The following ZW10 variants were observed in gnomAD, a reference collection of about 807,000 sequenced individuals.
The protein encoded by ZW10 is centromere/kinetochore protein zw10 homolog.
Under a neutral mutation model 87.8 loss-of-function variants are expected in ZW10, and 53 were observed. That is an observed-to-expected ratio of 0.60 (90% CI 0.48 to 0.76). The LOEUF (loss-of-function observed/expected upper bound fraction) is 0.76. ZW10 is among the 30% of genes least tolerant of loss of function. The probability of loss-of-function intolerance (pLI) is 0.00; values close to 1 mark genes in which losing one functional copy is unlikely to be tolerated. For synonymous variants in ZW10, 312 were observed against 329.2 expected, an observed-to-expected ratio of 0.95 and a Z score of 0.57; for missense variants, 837 against 923.0, an observed-to-expected ratio of 0.91 and a Z score of 1.21.
chr11:113,733,582 G>C lies in ZW10; in HGVS notation c.*112C>G. The C allele has an allele frequency of 6.9e-7, 1 of 1,450,800 alleles. No homozygotes were observed. Among genetic ancestry groups the C allele is most frequent in the Middle Eastern group, 2.5e-4 (1 of 4,064 alleles). The allele number at this position is 1,450,800 out of a possible 1,614,324, so 89.9% of individuals were successfully genotyped here. ...TTCTTCTGTAAAGTCAAACTTCCAA[G>C]ATGTACTGGTTCACCAAAACCAATG... is the stretch of plus-strand genomic sequence containing the variant. On this transcript the variant is annotated 3_prime_UTR_variant, in exon 16 of 16. Transcript: ENST00000200135.
In ZW10 at chr11:113,738,397, A is replaced by G. The variant is rs939318201; in HGVS notation, c.1754-3T>C. ...TTGGGCCAAAAAGCATTCTGTCCCT[A>G]TGATGGAAAAACAGAATAAAAAATT... On this transcript the variant is annotated splice_polypyrimidine_tract_variant and splice_region_variant and intron_variant, in intron 12 of 15. Transcript: ENST00000200135. 6 of 1,607,910 alleles carry G rather than the reference A, an allele frequency of 3.7e-6. No homozygotes were observed. In the Admixed American group the frequency reaches 5.2e-5, roughly 14 times the overall value.
intron 2 of ZW10, among the ~76,000 whole-genome samples, chr11:113,764,157 G>C (rs191573171): frequency 1.3e-5 from 2 of 152,270 alleles, no homozygotes; most frequent in East Asian, 1.9e-4. Context: ...GTTTGTCAAA[G>C]ATCAGATGGT....
chr11:113,757,968 C>T (rs12270902), intron 6 of ZW10, 115 bp from the exon 7 acceptor site: 1 of 762,848 alleles, frequency 1.3e-6, no homozygotes, highest in Non-Finnish European at 1.9e-6. Context: ...GGTGGATCAT[C>T]TGAGGCCAGC....
chr11:113,748,515 G>A, intron 7 of ZW10, 95 bp from the exon 8 acceptor site: 2 of 1,112,432 alleles, frequency 1.8e-6, no homozygotes, highest in Non-Finnish European at 2.5e-6. Flanking sequence ...TTAAGATGAT[G>A]GGGAAGAAAA....
chr11:113,742,548 C>T (rs1244957616), intron 10 of ZW10, among the ~76,000 whole-genome samples: 1 of 152,116 alleles, frequency 6.6e-6, no homozygotes, highest in Non-Finnish European at 1.5e-5. Context: ...TGCATTGTAG[C>T]TGTGGTTTTG....
At chr11:113,750,420 C>T (rs1247856724) in intron 7 of ZW10, among the ~76,000 whole-genome samples, 1 of 151,962 alleles carries the variant, frequency 6.6e-6, no homozygotes. Flanking sequence ...TCTCCTTCCT[C>T]GGCCTCCCAA....
rs372536871 is a variant in ZW10, at chr11:113,757,761, G to A, written c.826C>T (p.Arg276Cys). 4.3e-6 allele frequency: 7 copies of A among 1,613,586 alleles called. No homozygotes were observed. In the African/African-American group the frequency reaches 5.3e-5, roughly 12 times the overall value. ...AAGTTAGTCATTATAGATTCAAAAC[G>A]AATAATAACTATGTTAGGCTGGCTT... is the stretch of plus-strand genomic sequence containing the variant. ...IESQPNIVII[R>C]FESIMTNLEY... is the part of the protein sequence containing the mutation. Residue 276 changes from arginine to cysteine, a missense_variant, in exon 7 of 16, where the codon CGT (arginine) becomes TGT (cysteine). Coordinates refer to ENST00000200135, the MANE Select transcript of ZW10 (RefSeq NM_004724.4).
In ZW10 at chr11:113,733,639, T is replaced by C; in HGVS notation, c.*55A>G. 6.2e-7 allele frequency: 1 copy of C among 1,611,192 alleles called. No individual in the cohort carries two copies. The highest frequency in any genetic ancestry group is 8.5e-7 in the Non-Finnish European group (1 of 1,179,580). On this transcript the variant is annotated 3_prime_UTR_variant, in exon 16 of 16. Coordinates refer to ENST00000200135, the MANE Select transcript of ZW10 (RefSeq NM_004724.4). ...TCAAAGAAGTCTTTAAGGGAGTAAT[T>C]ATGCCAAGGGAAGAATCCACATATT...
chr11:113,741,893 T>C, intron 10 of ZW10, 128 bp from the exon 11 acceptor site: 1 of 567,046 alleles, frequency 1.8e-6, no homozygotes, highest in East Asian at 3.0e-5. Flanking sequence ...ACACCTGCCT[T>C]GGTTGCTGGA....
intron 7 of ZW10, among the ~76,000 whole-genome samples, chr11:113,753,640 A>T (rs1953755213): frequency 6.6e-6 from 1 of 152,188 alleles, no homozygotes; most frequent in African/African-American, 2.4e-5. Context: ...TCCTGACCTC[A>T]AGTGATCCAT....
At chr11:113,745,093 AT>A (rs1953665327) in intron 9 of ZW10, among the ~76,000 whole-genome samples, 4 of 136,460 alleles carry the variant, frequency 2.9e-5, no homozygotes, top group African/African-American at 1.0e-4. Flanking sequence ...TCCTCCCCTT[AT>A]TAAAAAAAAA....
intron 2 of ZW10, among the ~76,000 whole-genome samples, chr11:113,762,754 G>A (rs1461140624): frequency 6.6e-6 from 1 of 152,132 alleles, no homozygotes; most frequent in African/African-American, 2.4e-5. Context: ...CTGACCTCAA[G>A]TGATCTGCCT....
intron 2 of ZW10, among the ~76,000 whole-genome samples, chr11:113,768,210 C>T (rs1953927127): frequency 6.6e-6 from 1 of 152,148 alleles, no homozygotes; most frequent in Non-Finnish European, 1.5e-5. Flanking sequence ...GAATATTTCT[C>T]CCATATGACA....
At chr11:113,768,806 C>T in intron 2 of ZW10, 27 bp downstream of exon 2, 1 of 1,611,500 alleles carries the variant, frequency 6.2e-7, no homozygotes, top group Non-Finnish European at 8.5e-7. Flanking sequence ...CCCTACAAAC[C>T]TACCCAATAT....
intron 9 of ZW10, 28 bp from the exon 10 acceptor site, chr11:113,744,068 A>T (rs1953653701): frequency 1.3e-6 from 2 of 1,546,092 alleles, no homozygotes; most frequent in South Asian, 2.2e-5. Flanking sequence ...AAATACAGAA[A>T]ATATATTGTT....
chr11:113,737,446 A>G (rs1953566239), intron 14 of ZW10, 126 bp downstream of exon 14: 5 of 1,114,094 alleles, frequency 4.5e-6, no homozygotes, highest in Non-Finnish European at 6.2e-6. Flanking sequence ...AAAACTGAAA[A>G]AAAAAAAAAC....
intron 9 of ZW10, 32 bp from the exon 10 acceptor site, chr11:113,744,072 T>C: frequency 6.5e-7 from 1 of 1,541,030 alleles, no homozygotes; most frequent in Non-Finnish European, 8.9e-7. Flanking sequence ...ACAGAAAATA[T>C]ATTGTTTTCA....
chr11:113,762,685 T>G (rs1279329864), intron 2 of ZW10, among the ~76,000 whole-genome samples: 1 of 151,974 alleles, frequency 6.6e-6, no homozygotes, highest in Non-Finnish European at 1.5e-5. Flanking sequence ...GCCCAGCTAA[T>G]TTTTGTATTT....
At chr11:113,760,963 C>A in intron 2 of ZW10, 45 bp from the exon 3 acceptor site, 2 of 1,489,450 alleles carry the variant, frequency 1.3e-6, no homozygotes, top group Non-Finnish European at 1.8e-6. Context: ...TATACCATAC[C>A]TAAGAAATAA....
Sources: gnomAD v4.1 joint callset for allele counts (sites outside exome capture counted in the v4.1 genomes callset) on GRCh38, gnomAD v4.1.1 for gene constraint, MANE v1.5 for transcripts, NCBI Gene and HGNC (gene_info 2026-07-23, HGNC 2026-07-21) for gene names.